Variants in VAV2 observed in about 807,000 individuals in gnomAD.
VAV2 encodes vav guanine nucleotide exchange factor 2.
In VAV2, 67 loss-of-function variants were observed where a neutral mutation model predicts 132.5. That is an observed-to-expected ratio of 0.51 (90% CI 0.42 to 0.62). The LOEUF is 0.62. Ranked by LOEUF, VAV2 falls within the 20% of genes least tolerant of loss-of-function variation. VAV2 has a pLI of 0.00. For missense variants in VAV2, 938 were observed against 1,153.6 expected, an observed-to-expected ratio of 0.81 and a Z score of 2.71; for synonymous variants, 492 against 443.5, an observed-to-expected ratio of 1.11 and a Z score of -1.37.
Position 133,885,944 on chromosome 9 carries a change from G to T in VAV2, c.322-24512C>A, listed in dbSNP as rs528623482. ...GCTACCTACAAACTCACCATTAAGG[G>T]GACTATGCTAGACAACCAACTTTAA... On this transcript the variant is annotated intron_variant, in intron 2 of 29. Transcript: ENST00000371850. This position sits in a 1 kb window ranked among gnomAD's most constrained non-coding sequence, Gnocchi z 5.0. Among the ~76,000 whole-genome samples the T allele has an allele frequency of 6.6e-6, 1 of 152,164 alleles. No individual in the cohort carries two copies. The highest frequency in any genetic ancestry group is 2.4e-5 in the African/African-American group (1 of 41,426).
At chr9:133,986,756 T>C (rs920777274) in intron 1 of VAV2, among the ~76,000 whole-genome samples, 6 of 152,138 alleles carry the variant, frequency 3.9e-5, no homozygotes, top group Non-Finnish European at 8.8e-5. Context: ...CAGCATTCCC[T>C]CCTCTGCTCC....
At chr9:133,922,255 G>A (rs1228247480) in intron 2 of VAV2, among the ~76,000 whole-genome samples, 2 of 152,228 alleles carry the variant, frequency 1.3e-5, no homozygotes, top group South Asian at 2.1e-4. Context: ...TGTCATAGCC[G>A]TGACCCCAGA....
At chr9:133,920,653 AC>A (rs1840264790) in intron 2 of VAV2, among the ~76,000 whole-genome samples, 1 of 141,148 alleles carries the variant, frequency 7.1e-6, no homozygotes, top group African/African-American at 2.6e-5. Flanking sequence ...GGTCCCGCCC[AC>A]CCCTAGGCCC....
At position 133,912,061 on chromosome 9, in the gene VAV2, A is replaced by C. The variant is rs1839903849; in HGVS notation, c.321+27042T>G. 6.6e-6 allele frequency among the ~76,000 whole-genome samples: 1 copy of C among 152,154 alleles called. No individual in the cohort carries two copies. Among genetic ancestry groups the C allele is most frequent in the Non-Finnish European group, 1.5e-5 (1 of 68,034 alleles). On this transcript the variant is annotated intron_variant, in intron 2 of 29. Coordinates refer to ENST00000371850, the MANE Select transcript of VAV2 (RefSeq NM_001134398.2). The surrounding 1 kb of genome is among the most constrained non-coding windows in gnomAD (Gnocchi z 4.3). ...CTAGGTATTAGGCCTGGCATCCATT[A>C]GCTATCTTTCCTGATCTCCTCCCTG...
Position 133,763,842 on chromosome 9 carries a change from C to T in VAV2, c.*220G>A. ...CTCTGGGTGGGGCTAGCCCAGGTTT[C>T]CTCTATGTACAATAGCATACCCAGT... On this transcript the variant is annotated 3_prime_UTR_variant, in exon 30 of 30. Transcript: ENST00000371850. This position sits in a 1 kb window ranked among gnomAD's most constrained non-coding sequence, Gnocchi z 6.8. The T allele has an allele frequency of 1.7e-6, 1 of 580,238 alleles. No homozygotes were observed. The highest frequency in any genetic ancestry group is 3.0e-6 in the Non-Finnish European group (1 of 328,182). 35.9% of individuals were successfully genotyped at this position (580,238 alleles called of 1,614,324 possible).
chr9:133,933,944 GA>G (rs1441721631), intron 2 of VAV2, among the ~76,000 whole-genome samples: 8 of 11,168 alleles, frequency 7.2e-4, no homozygotes, highest in Non-Finnish European at 1.3e-3. Flanking sequence ...TGGATGGATG[GA>G]TGGATGGTGG....
chr9:133,837,229 G>A (rs1836505196), intron 3 of VAV2, among the ~76,000 whole-genome samples: 3 of 152,170 alleles, frequency 2.0e-5, no homozygotes, highest in Admixed American at 1.3e-4. Context: ...TGGCAGCTGC[G>A]ATTTAGTATT....
intron 1 of VAV2, among the ~76,000 whole-genome samples, chr9:133,973,212 T>C (rs915405570): frequency 6.6e-6 from 1 of 152,170 alleles, no homozygotes; most frequent in African/African-American, 2.4e-5. Flanking sequence ...TGCCACCATC[T>C]GTCTGGCATC....
At chr9:133,949,999 G>A (rs942919215) in intron 1 of VAV2, among the ~76,000 whole-genome samples, 24 of 152,180 alleles carry the variant, frequency 1.6e-4, no homozygotes, top group African/African-American at 4.6e-4. Context: ...GCAAGGACCA[G>A]CAGCCGTGAA....
chr9:133,947,624 G>C (rs1175329708), intron 1 of VAV2, among the ~76,000 whole-genome samples: 4 of 151,504 alleles, frequency 2.6e-5, no homozygotes, highest in East Asian at 2.0e-4. Context: ...GATTGAACTC[G>C]GGAGGTGGAG....
chr9:133,988,217 TCACAGGCAC>T (rs1842915101), intron 1 of VAV2, among the ~76,000 whole-genome samples: 1 of 151,788 alleles, frequency 6.6e-6, no homozygotes, highest in Non-Finnish European at 1.5e-5. Flanking sequence ...CAGCCAGGGA[TCACAGGCAC>T]CCACCCCCCA....
chr9:133,773,060 G>A (rs1477388569), intron 25 of VAV2, among the ~76,000 whole-genome samples: 1 of 114,544 alleles, frequency 8.7e-6, no homozygotes, highest in South Asian at 3.1e-4. Flanking sequence ...TAGGCTGGAC[G>A]GCAGAGCCTA....
At chr9:133,903,836 G>A (rs920534883) in intron 2 of VAV2, among the ~76,000 whole-genome samples, 10 of 152,158 alleles carry the variant, frequency 6.6e-5, no homozygotes, top group South Asian at 2.1e-4. Flanking sequence ...GAGAGGGCTC[G>A]GGGAGGCAGA....
chr9:133,934,496 G>A (rs149535273), intron 2 of VAV2, among the ~76,000 whole-genome samples: 2 of 152,302 alleles, frequency 1.3e-5, no homozygotes, highest in East Asian at 1.9e-4. Context: ...TCCTGTGGGC[G>A]GCACCATCCA....
chr9:133,973,630 A>G (rs1258147138), intron 1 of VAV2, among the ~76,000 whole-genome samples: 1 of 141,840 alleles, frequency 7.1e-6, no homozygotes, highest in East Asian at 2.1e-4. Flanking sequence ...TGACTTCAAA[A>G]TAACACGACA....
At position 133,937,539 on chromosome 9, in the gene VAV2, AGTGTGT is replaced by A. The variant is rs71380264; in HGVS notation, c.321+1558_321+1563del. Among the ~76,000 whole-genome samples the A allele has an allele frequency of 1.0e-4, 15 of 148,638 alleles. 1 individual carries two copies. Among genetic ancestry groups the A allele is most frequent in the Admixed American group, 6.0e-4 (9 of 14,990 alleles). On this transcript the variant is annotated intron_variant, in intron 2 of 29. Coordinates refer to ENST00000371850, the MANE Select transcript of VAV2 (RefSeq NM_001134398.2). The stretch of plus-strand genomic sequence containing the variant: ...GTGCGCGTGTGAGAGTGTGTGTGAG[AGTGTGT>A]GTGTGTGTGTGTGTTCTGAAGGACC...
intron 17 of VAV2, 134 bp from the exon 18 acceptor site, chr9:133,784,552 G>T: frequency 4.4e-6 from 4 of 907,856 alleles, no homozygotes; most frequent in Non-Finnish European, 7.2e-6. Flanking sequence ...TCCAAGCCTG[G>T]CTCTGCCCGC....
chr9:133,801,543 G>A (rs913318553), intron 9 of VAV2, among the ~76,000 whole-genome samples: 2 of 152,238 alleles, frequency 1.3e-5, no homozygotes, highest in African/African-American at 4.8e-5. Context: ...CTGACCCAGG[G>A]GCAGAGCAGA....
chr9:133,855,170 G>A (rs1291405770), intron 3 of VAV2, among the ~76,000 whole-genome samples: 1 of 152,250 alleles, frequency 6.6e-6, no homozygotes, highest in Non-Finnish European at 1.5e-5. Context: ...AGACTCAGGG[G>A]AGAAGAGGCC....
Sources: allele counts gnomAD v4.1 joint callset (sites outside exome capture counted in the v4.1 genomes callset), GRCh38; gene constraint gnomAD v4.1.1; non-coding constraint Gnocchi (gnomAD v3.1); transcripts MANE v1.5; gene names NCBI Gene and HGNC (gene_info 2026-07-23, HGNC 2026-07-21).